Variants in TECTA observed in about 807,000 individuals in gnomAD.
TECTA encodes the protein alpha-tectorin.
A neutral mutation model predicts 216.8 loss-of-function variants in TECTA; 128 were observed. The observed-to-expected ratio is 0.59, with a 90% CI of 0.51 to 0.68. The LOEUF (loss-of-function observed/expected upper bound fraction) is 0.68, where lower values mean the gene tolerates loss of function less well. Among genes scored for constraint, TECTA ranks in the 30% least tolerant of loss-of-function variants. The pLI is 0.00. For synonymous variants in TECTA, 1,089 were observed against 1,117.1 expected (o/e 0.97, Z 0.50); for missense variants, 2,551 against 2,786.2 (o/e 0.92, Z 1.90).
intron 3 of TECTA, among the ~76,000 whole-genome samples, chr11:121,106,654 AAGAACTGGGTG>A (rs1335192248): frequency 5.9e-5 from 9 of 152,114 alleles, no homozygotes; most frequent in Admixed American, 5.9e-4. Context: ...GTTGGCCTTA[AAGAACTGGGTG>A]AGGGATTATA....
At chr11:121,114,078 CT>C (rs1565518391) in intron 6 of TECTA, among the ~76,000 whole-genome samples, 1 of 152,134 alleles carries the variant, frequency 6.6e-6, no homozygotes, top group Non-Finnish European at 1.5e-5. Flanking sequence ...TCCCCCCGCC[CT>C]TTATGTTTTT....
intron 20 of TECTA, among the ~76,000 whole-genome samples, chr11:121,171,655 T>A (rs1427961522): frequency 1.3e-5 from 2 of 152,196 alleles, no homozygotes; most frequent in Non-Finnish European, 2.9e-5. Flanking sequence ...TATTCCTAGA[T>A]TTCTCATTTT....
chr11:121,125,250 C>A (rs1946596469), intron 7 of TECTA, 52 bp from the exon 8 acceptor site: 13 of 1,573,114 alleles, frequency 8.3e-6, no homozygotes, highest in East Asian at 6.7e-5. Flanking sequence ...CTGCTGGAAC[C>A]CAGTGCCTGG....
At chr11:121,167,854 G>A (rs1947069582) in intron 18 of TECTA, among the ~76,000 whole-genome samples, 200 bp from the exon 19 acceptor site, 1 of 152,238 alleles carries the variant, frequency 6.6e-6, no homozygotes, top group Non-Finnish European at 1.5e-5. Flanking sequence ...TTATCAGACT[G>A]AAGGGTGCTG....
chr11:121,104,835 C>T (rs954009444), intron 2 of TECTA, among the ~76,000 whole-genome samples: 4 of 151,682 alleles, frequency 2.6e-5, no homozygotes, highest in Admixed American at 6.6e-5. Context: ...CCCCTGCCCC[C>T]GAGAATGAGA....
At position 121,129,973 on chromosome 11, in the gene TECTA, G is replaced by A. The variant is rs754617347; in HGVS notation, c.2703G>A (p.Glu901=). The stretch of plus-strand genomic sequence containing the variant: ...TGAAGGCCTGCAACAATGACTCGGA[G>A]CTGCTCAAGTTTTATCGAAGCCGCT... The part of the protein sequence containing the change: ...DLLKACNNDS[E]LLKFYRSRSR... The change falls in exon 10 of 24, where the codon GAG becomes GAA. Residue 901 remains glutamate (E), a synonymous_variant. Coordinates refer to ENST00000392793, the MANE Select transcript of TECTA (RefSeq NM_005422.4). 6.8e-6 allele frequency: 11 copies of A among 1,605,892 alleles called. No individual in the cohort carries two copies. Among genetic ancestry groups the A allele is most frequent in the Non-Finnish European group, 9.4e-6 (11 of 1,174,780 alleles).
chr11:121,162,480 G>A, intron 16 of TECTA, 110 bp downstream of exon 16: 1 of 1,362,760 alleles, frequency 7.3e-7, no homozygotes, highest in Non-Finnish European at 1.0e-6. Flanking sequence ...TTTACTCATA[G>A]ATCTGCTTCC....
intron 14 of TECTA, among the ~76,000 whole-genome samples, chr11:121,159,371 T>C (rs1162152412): frequency 6.6e-6 from 1 of 152,166 alleles, no homozygotes. Flanking sequence ...ACTGACATTG[T>C]GGTTGAACAA....
In TECTA at chr11:121,191,128, A is replaced by C. The variant is rs932638608; in HGVS notation, c.*322A>C. 9.0e-6 allele frequency: 3 copies of C among 332,626 alleles called. No homozygotes were observed. The Admixed American group carries it at 1.3e-4, about 14-fold the overall frequency. The allele number at this position is 332,626 out of a possible 1,614,324, so 20.6% of individuals were successfully genotyped here. A position where few individuals can be genotyped will look rare whatever the true frequency, so the allele number is the denominator to read the frequency against. ...TCTGGTTAGAGAAATCTGACTGGAA[A>C]TCTGACCAGAGAAATCTGTCAAGCC... On this transcript the variant is annotated 3_prime_UTR_variant, in exon 24 of 24. Coordinates refer to ENST00000392793, the MANE Select transcript of TECTA (RefSeq NM_005422.4).
At chr11:121,139,346 G>A (rs773095301) in intron 11 of TECTA, among the ~76,000 whole-genome samples, 7 of 152,184 alleles carry the variant, frequency 4.6e-5, no homozygotes, top group Non-Finnish European at 1.0e-4. Flanking sequence ...TCATCTTTAT[G>A]TTGAATGAAT....
intron 12 of TECTA, 91 bp downstream of exon 12, chr11:121,146,207 C>A (rs1946837644): frequency 6.8e-7 from 1 of 1,474,456 alleles, no homozygotes; most frequent in Non-Finnish European, 9.3e-7. Flanking sequence ...GAAGTCAGAG[C>A]AAATTGAGTA....
intron 4 of TECTA, among the ~76,000 whole-genome samples, chr11:121,112,649 G>A (rs1291597658): frequency 1.3e-5 from 2 of 152,178 alleles, no homozygotes; most frequent in Non-Finnish European, 2.9e-5. Flanking sequence ...ACACGGACTG[G>A]TATCTGCTCC....
intron 20 of TECTA, among the ~76,000 whole-genome samples, chr11:121,186,531 G>T (rs974701886): frequency 6.6e-6 from 1 of 152,210 alleles, no homozygotes; most frequent in Non-Finnish European, 1.5e-5. Context: ...AAGAGGGAAG[G>T]TCAGTGTGAA....
At chr11:121,188,596 G>A (rs950075552) in intron 21 of TECTA, among the ~76,000 whole-genome samples, 1 of 152,194 alleles carries the variant, frequency 6.6e-6, no homozygotes, top group Admixed American at 6.5e-5. Context: ...TTCTGTGCCA[G>A]GCTTCCACCT....
chr11:121,106,327 G>T (rs1052418054), intron 3 of TECTA, among the ~76,000 whole-genome samples: 9 of 152,162 alleles, frequency 5.9e-5, no homozygotes, highest in Non-Finnish European at 1.5e-5. Context: ...CCTTCTGGGG[G>T]TGTGAAAAGT....
At chr11:121,143,375 G>A (rs959467635) in intron 11 of TECTA, among the ~76,000 whole-genome samples, 1 of 152,090 alleles carries the variant, frequency 6.6e-6, no homozygotes, top group African/African-American at 2.4e-5. Context: ...CCTTTACTTT[G>A]AATTCCCTTG....
rs753041600 is a variant in TECTA at position 121,137,935 on chromosome 11, G to A, written c.3456G>A (p.Pro1152=). ...VVTAKNEDRD[P]SLALWVKQVD... is the part of the protein sequence containing the mutation. ...CAGCCAAGAATGAGGACCGGGACCCGTCACTGGCCTTGTGGGTTAAGCAGG... is the reference window on the plus strand; with the variant it reads ...CAGCCAAGAATGAGGACCGGGACCCATCACTGGCCTTGTGGGTTAAGCAGG... Residue 1152 remains proline (P), a synonymous_variant, in exon 11 of 24, where the codon CCG becomes CCA. Coordinates refer to ENST00000392793, the MANE Select transcript of TECTA (RefSeq NM_005422.4). 24 of 1,609,566 alleles carry A rather than the reference G, an allele frequency of 1.5e-5. No individual in the cohort carries two copies. The highest frequency in any genetic ancestry group is 4.5e-5 in the East Asian group (2 of 44,720).
rs746339702 is a variant in TECTA, at chr11:121,128,300, G to A, written c.2323G>A (p.Asp775Asn). 1.3e-6 allele frequency: 2 copies of A among 1,599,566 alleles called. No individual in the cohort carries two copies. The highest frequency in any genetic ancestry group is 1.7e-5 in the Admixed American group (1 of 60,002). The change falls in exon 9 of 24, where the codon GAC becomes AAC. Residue 775 changes from aspartate to asparagine, a missense_variant. Transcript: ENST00000392793. The stretch of plus-strand genomic sequence containing the variant: ...GCGGGGACTTCGGATCCTGGTGGCC[G>A]ACCAGGAGGTCAAGATAGGAGGCAT... ...WLRGLRILVA[D>N]QEVKIGGIGA...
Position 121,125,460 on chromosome 11 carries a change from A to G in TECTA, c.1362A>G (p.Ile454Met). The G allele has an allele frequency of 6.2e-7, 1 of 1,614,164 alleles. No individual in the cohort carries two copies. Among genetic ancestry groups the G allele is most frequent in the Non-Finnish European group, 8.5e-7 (1 of 1,180,034 alleles). Residue 454 changes from isoleucine (I) to methionine (M), a missense_variant, in exon 8 of 24, where the codon ATA becomes ATG. This residue lies in a region of TECTA where 2,375 missense variants were observed against 2,563.9 expected (regional missense o/e 0.93). Transcript: ENST00000392793. The part of the protein sequence containing the change: ...YASISVPGSY[I>M]NSTCGLCGNY... ...CCATTTCCGTCCCAGGCTCCTATATAAACTCCACCTGTGGACTCTGTGGAA... is the reference window on the plus strand; with the variant it reads ...CCATTTCCGTCCCAGGCTCCTATATGAACTCCACCTGTGGACTCTGTGGAA...
Sources: gnomAD v4.1 joint callset for allele counts (sites outside exome capture counted in the v4.1 genomes callset) on GRCh38, gnomAD v4.1.1 for gene constraint, gnomAD v4.1.1 regional missense constraint, MANE v1.5 for transcripts, NCBI Gene and HGNC (gene_info 2026-07-23, HGNC 2026-07-21) for gene names.